The following RABGAP1L variants were observed in gnomAD, a reference collection of about 807,000 sequenced individuals.
RABGAP1L encodes RAB GTPase activating protein 1 like, also known as rab GTPase-activating protein 1-like.
A neutral mutation model predicts 137.7 loss-of-function variants in RABGAP1L; 63 were observed. The ratio of observed to expected loss-of-function variants is 0.46; its 90% CI spans 0.37 to 0.56. RABGAP1L has a LOEUF of 0.56. RABGAP1L is among the 20% of genes least tolerant of loss of function. RABGAP1L has a pLI of 0.00. For synonymous variants in RABGAP1L, 431 were observed against 433.7 expected, an observed-to-expected ratio of 0.99 and a Z score of 0.08; for missense variants, 1,095 against 1,244.0, an observed-to-expected ratio of 0.88 and a Z score of 1.80.
intron 13 of RABGAP1L, among the ~76,000 whole-genome samples, chr1:174,637,017 A>T (rs1288632076): frequency 1.3e-5 from 2 of 152,180 alleles, no homozygotes; most frequent in African/African-American, 4.8e-5. Flanking sequence ...CAGAGAATAA[A>T]CTATATGTAC....
intron 18 of RABGAP1L, among the ~76,000 whole-genome samples, chr1:174,765,621 A>G (rs905344514): frequency 2.0e-5 from 3 of 151,424 alleles, no homozygotes; most frequent in African/African-American, 7.3e-5. Context: ...TTTTAGAGAC[A>G]GGGTCTTACT....
chr1:174,613,272 G>A (rs1345633600), intron 13 of RABGAP1L, among the ~76,000 whole-genome samples: 1 of 152,046 alleles, frequency 6.6e-6, no homozygotes. Flanking sequence ...GTTCTCGTTG[G>A]TTTCAAAGTA....
intron 13 of RABGAP1L, among the ~76,000 whole-genome samples, chr1:174,400,178 ACTTT>A (rs910457418): frequency 1.3e-5 from 2 of 152,082 alleles, no homozygotes; most frequent in African/African-American, 4.8e-5. Context: ...TTAAATTTAT[ACTTT>A]CTTTTGCCAT....
chr1:174,610,322 T>A (rs935072818), intron 13 of RABGAP1L, among the ~76,000 whole-genome samples: 9 of 151,154 alleles, frequency 6.0e-5, no homozygotes, highest in Admixed American at 1.3e-4. Context: ...TTTTTGTCCT[T>A]GTGATAGTTT....
At chr1:174,918,107 G>A (rs1291594278) in intron 19 of RABGAP1L, among the ~76,000 whole-genome samples, 1 of 113,186 alleles carries the variant, frequency 8.8e-6, no homozygotes, top group Non-Finnish European at 1.7e-5. Flanking sequence ...AATATAAGAG[G>A]CCTTTATAAT....
At chr1:174,394,987 A>G (rs1285307161) in intron 13 of RABGAP1L, among the ~76,000 whole-genome samples, 2 of 147,778 alleles carry the variant, frequency 1.4e-5, no homozygotes, top group African/African-American at 5.0e-5. Context: ...TTTTAAATTG[A>G]TGGCCTCTGC....
intron 14 of RABGAP1L, among the ~76,000 whole-genome samples, chr1:174,644,693 T>C (rs1674810501): frequency 6.6e-6 from 1 of 152,130 alleles, no homozygotes; most frequent in African/African-American, 2.4e-5. Flanking sequence ...CAAAAACTTG[T>C]AGTTGTTCTT....
At chr1:174,931,580 G>T (rs565616686) in intron 19 of RABGAP1L, among the ~76,000 whole-genome samples, 1 of 152,088 alleles carries the variant, frequency 6.6e-6, no homozygotes, top group Admixed American at 6.6e-5. Context: ...TCTCAGCCAC[G>T]TAGTTCTATT....
intron 13 of RABGAP1L, among the ~76,000 whole-genome samples, chr1:174,491,818 G>T (rs1228376686): frequency 6.6e-6 from 1 of 152,170 alleles, no homozygotes; most frequent in Non-Finnish European, 1.5e-5. Context: ...TCCATGAGTG[G>T]CTGTCAGCTA....
chr1:174,298,595 G>A (rs898031234), intron 10 of RABGAP1L, among the ~76,000 whole-genome samples: 1 of 152,180 alleles, frequency 6.6e-6, no homozygotes, highest in African/African-American at 2.4e-5. Flanking sequence ...GCAGAAATGT[G>A]TCTTAAGGGG....
intron 17 of RABGAP1L, among the ~76,000 whole-genome samples, chr1:174,750,965 T>A (rs950098707): frequency 6.6e-6 from 1 of 152,234 alleles, no homozygotes; most frequent in African/African-American, 2.4e-5. Context: ...AAATTTTGCT[T>A]AATTGTAACC....
intron 1 of RABGAP1L, among the ~76,000 whole-genome samples, chr1:174,165,935 G>A (rs1412048737): frequency 6.6e-6 from 1 of 152,204 alleles, no homozygotes; most frequent in Non-Finnish European, 1.5e-5. Flanking sequence ...AATGAGTAGT[G>A]AAAGAGCTAG....
chr1:174,351,999 A>G (rs1279905707), intron 11 of RABGAP1L, among the ~76,000 whole-genome samples: 1 of 151,986 alleles, frequency 6.6e-6, no homozygotes, highest in Non-Finnish European at 1.5e-5. Context: ...TAGTAGAGAC[A>G]GGGTTTCACT....
At chr1:174,612,585 A>T (rs1405804895) in intron 13 of RABGAP1L, among the ~76,000 whole-genome samples, 2 of 152,116 alleles carry the variant, frequency 1.3e-5, no homozygotes, top group African/African-American at 2.4e-5. Context: ...TGAGTTAGGG[A>T]GGATTCCCTC....
At chr1:174,739,069 G>A (rs333436) in intron 17 of RABGAP1L, among the ~76,000 whole-genome samples, 1 of 151,924 alleles carries the variant, frequency 6.6e-6, no homozygotes, top group Admixed American at 6.6e-5. Context: ...TAGTATAACT[G>A]CTTGATGTGA....
chr1:174,194,554 C>G (rs563164101), intron 1 of RABGAP1L, among the ~76,000 whole-genome samples: 1 of 152,196 alleles, frequency 6.6e-6, no homozygotes, highest in African/African-American at 2.4e-5. Flanking sequence ...AATTCTAAAG[C>G]CTGGGACTGT....
In RABGAP1L at chr1:174,838,380, A is replaced by G. The variant is rs1293170273; in HGVS notation, c.2340+26420A>G. On this transcript the variant is annotated intron_variant, in intron 19 of 25. Transcript: ENST00000681986. Reference sequence around the variant, plus strand: ...CTTGCTAAGGATACCAACTCTAGCTAGATACATATAGATGGCCATGTTCTA... The same window carrying G: ...CTTGCTAAGGATACCAACTCTAGCTGGATACATATAGATGGCCATGTTCTA... Among the ~76,000 whole-genome samples the G allele has an allele frequency of 3.3e-5, 5 of 152,150 alleles. No homozygotes were observed. In the East Asian group the frequency reaches 9.7e-4, roughly 29 times the overall value.
chr1:174,881,321 A>G (rs1654159042), intron 19 of RABGAP1L, among the ~76,000 whole-genome samples: 1 of 152,076 alleles, frequency 6.6e-6, no homozygotes, highest in African/African-American at 2.4e-5. Flanking sequence ...ATATTGTTTT[A>G]TATATCAAAC....
At chr1:174,910,380 T>A (rs970286498) in intron 19 of RABGAP1L, among the ~76,000 whole-genome samples, 14 of 152,172 alleles carry the variant, frequency 9.2e-5, no homozygotes, top group Admixed American at 4.6e-4. Flanking sequence ...AAGAAATGAT[T>A]ATGTACCTTA....
Sources: gnomAD v4.1 joint callset for allele counts (sites outside exome capture counted in the v4.1 genomes callset) on GRCh38, gnomAD v4.1.1 for gene constraint, MANE v1.5 for transcripts, NCBI Gene and HGNC (gene_info 2026-07-23, HGNC 2026-07-21) for gene names.